The following TRHDE variants were observed in gnomAD, a reference collection of about 807,000 sequenced individuals.
TRHDE encodes thyrotropin-releasing hormone-degrading ectoenzyme.
In TRHDE, 72 loss-of-function variants were observed where a neutral mutation model predicts 125.7. The ratio of observed to expected loss-of-function variants is 0.57; its 90% confidence interval spans 0.47 to 0.70. TRHDE has a LOEUF of 0.70. TRHDE is among the 30% of genes least tolerant of loss of function. The pLI is 0.00. For synonymous variants in TRHDE, 509 were observed against 509.1 expected (o/e 1.00, Z 0.00); for missense variants, 1,110 against 1,327.1 (o/e 0.84, Z 2.54).
chr12:72,350,470 G>C (rs1037611750), intron 2 of TRHDE, among the ~76,000 whole-genome samples: 54 of 152,104 alleles, frequency 3.6e-4, no homozygotes, highest in African/African-American at 1.2e-3. Flanking sequence ...AAGAAACTGA[G>C]ACTCAGGTAG....
rs141852279 is a variant in TRHDE at position 72,090,386 on chromosome 12, T to G, written n.174+2947T>G. On this transcript the variant is annotated intron_variant and non_coding_transcript_variant, in intron 1 of 4. Transcript: ENST00000548156. Reference sequence around the variant, plus strand: ...ATTCACCACTGAGGTTTTAAAGCTCTTGGGGGAGCATTTGAATGAGTATAG... The same window carrying G: ...ATTCACCACTGAGGTTTTAAAGCTCGTGGGGGAGCATTTGAATGAGTATAG... Among the ~76,000 whole-genome samples the G allele has an allele frequency of 3.9e-5, 6 of 152,310 alleles. No individual in the cohort carries two copies. In the East Asian group the frequency reaches 1.2e-3, roughly 29 times the overall value.
At chr12:72,170,061 C>A (rs1043564185) in intron 2 of TRHDE, among the ~76,000 whole-genome samples, 1 of 152,160 alleles carries the variant, frequency 6.6e-6, no homozygotes, top group African/African-American at 2.4e-5. Context: ...GGGCTGGAAG[C>A]AGGAGCTAGT....
chr12:72,486,156 C>T (rs1448271775), intron 5 of TRHDE, among the ~76,000 whole-genome samples: 2 of 152,206 alleles, frequency 1.3e-5, no homozygotes, highest in South Asian at 2.1e-4. Flanking sequence ...ATCAAAACTA[C>T]AGCCACACCC....
In TRHDE at chr12:72,440,093, A is replaced by G. The variant is rs78273819; in HGVS notation, c.1316-29665A>G. On this transcript the variant is annotated intron_variant, in intron 3 of 18. Transcript: ENST00000261180. ...TTTATGTATGTTGAATCATACTTGC[A>G]TCACTGGGATGAATCCCACTCGATA... Among the ~76,000 whole-genome samples the G allele has an allele frequency of 7.3e-3, 1,112 of 152,076 alleles. 10 individuals are homozygous for G. Among genetic ancestry groups the G allele is most frequent in the African/African-American group, 0.026 (1,068 of 41,520 alleles).
rs559664052 is a variant in TRHDE, at chr12:72,497,453, T to C, written c.1585-2045T>C. Among the ~76,000 whole-genome samples the C allele has an allele frequency of 5.9e-5, 9 of 152,316 alleles. No individual in the cohort carries two copies. In the South Asian group the frequency reaches 1.4e-3, roughly 25 times the overall value. ...TTAAAATTAAGGTTTAAATAAAGCATCATTTTAAGTTCACTTTACCTGGTT... is the reference window on the plus strand; with the variant it reads ...TTAAAATTAAGGTTTAAATAAAGCACCATTTTAAGTTCACTTTACCTGGTT... On this transcript the variant is annotated intron_variant, in intron 5 of 18. Coordinates refer to ENST00000261180, the MANE Select transcript of TRHDE (RefSeq NM_013381.3).
chr12:72,515,769 T>A (rs946056941), intron 6 of TRHDE, among the ~76,000 whole-genome samples: 4 of 152,026 alleles, frequency 2.6e-5, no homozygotes, highest in African/African-American at 9.7e-5. Flanking sequence ...GTTTTTATGG[T>A]TTTAGGTCTA....
intron 3 of TRHDE, among the ~76,000 whole-genome samples, chr12:72,458,754 T>G (rs553893529): frequency 6.6e-6 from 1 of 152,284 alleles, no homozygotes; most frequent in East Asian, 1.9e-4. Flanking sequence ...TTGCCTATGC[T>G]ACCTCCTTAA....
At chr12:72,459,605 A>C (rs920123559) in intron 3 of TRHDE, among the ~76,000 whole-genome samples, 2 of 152,140 alleles carry the variant, frequency 1.3e-5, no homozygotes, top group Non-Finnish European at 2.9e-5. Context: ...TAGCTACAGT[A>C]GTAGCTAGAG....
intron 2 of TRHDE, among the ~76,000 whole-genome samples, chr12:72,248,056 C>CATATGTATGCATGT (rs1565672195): frequency 6.6e-6 from 1 of 152,034 alleles, no homozygotes; most frequent in African/African-American, 2.4e-5. Context: ...TGTATGCATG[C>CATATGTATGCATGT]ATGTGTGTAT....
chr12:72,536,199 T>C (rs1365035393), intron 6 of TRHDE, among the ~76,000 whole-genome samples: 3 of 152,170 alleles, frequency 2.0e-5, no homozygotes, highest in African/African-American at 7.2e-5. Flanking sequence ...ACTTGTTAAC[T>C]AGAGTATTCT....
At chr12:72,629,356 C>A (rs1873384786) in intron 15 of TRHDE, among the ~76,000 whole-genome samples, 1 of 151,454 alleles carries the variant, frequency 6.6e-6, no homozygotes, top group Non-Finnish European at 1.5e-5. Flanking sequence ...TAATTTTTTT[C>A]TTTGCAGTAT....
In TRHDE at chr12:72,669,450, A is replaced by G. The variant is rs1025819527; in HGVS notation, c.*6255A>G. The G allele has an allele frequency of 1.3e-5, 2 of 151,852 alleles. No individual in the cohort carries two copies. The highest frequency in any genetic ancestry group is 4.8e-5 in the African/African-American group (2 of 41,402). The allele number at this position is 151,852 out of a possible 1,614,324, so 9.4% of individuals were successfully genotyped here. ...ATCACACACATTTTTCTTATGTCAT[A>G]TAAGTAAAGGAAAGAGTGAAACGTT... is the stretch of plus-strand genomic sequence containing the variant. On this transcript the variant is annotated 3_prime_UTR_variant, in exon 19 of 19. Transcript: ENST00000261180.
chr12:72,265,180 T>C (rs1879037953), intron 2 of TRHDE, among the ~76,000 whole-genome samples: 1 of 151,804 alleles, frequency 6.6e-6, no homozygotes, highest in Non-Finnish European at 1.5e-5. Context: ...TACTAACATA[T>C]TTAGATTTTA....
At chr12:72,362,912 C>G (rs1202391978) in intron 2 of TRHDE, among the ~76,000 whole-genome samples, 3 of 151,946 alleles carry the variant, frequency 2.0e-5, no homozygotes, top group Non-Finnish European at 4.4e-5. Context: ...CTGTTCTGTT[C>G]CATTGATCTA....
At chr12:72,629,450 C>T (rs1873387764) in intron 15 of TRHDE, among the ~76,000 whole-genome samples, 1 of 151,730 alleles carries the variant, frequency 6.6e-6, no homozygotes, top group South Asian at 2.1e-4. Context: ...CTTTCAGACA[C>T]TTCTGTGTCT....
At chr12:72,276,885 G>A (rs931078632) in intron 1 of TRHDE, among the ~76,000 whole-genome samples, 4 of 152,154 alleles carry the variant, frequency 2.6e-5, no homozygotes, top group Admixed American at 1.3e-4. Context: ...TGTAGTCTCC[G>A]ACAAAAGAGT....
At chr12:72,543,036 T>C (rs1844641) in intron 7 of TRHDE, among the ~76,000 whole-genome samples, 2 of 151,364 alleles carry the variant, frequency 1.3e-5, no homozygotes, top group Admixed American at 6.6e-5. Context: ...GTAGCTGTGA[T>C]TGATGAATTA....
intron 6 of TRHDE, among the ~76,000 whole-genome samples, chr12:72,524,850 G>A (rs1868305908): frequency 6.6e-6 from 1 of 152,148 alleles, no homozygotes; most frequent in African/African-American, 2.4e-5. Flanking sequence ...GTCTGAAAGA[G>A]GAAGCAGCTT....
intron 2 of TRHDE, among the ~76,000 whole-genome samples, chr12:72,148,101 A>C (rs934106718): frequency 1.3e-5 from 2 of 152,254 alleles, no homozygotes; most frequent in African/African-American, 4.8e-5. Flanking sequence ...TTTGTATTTT[A>C]GATGTGACAA....
Sources: allele counts gnomAD v4.1 joint callset (sites outside exome capture counted in the v4.1 genomes callset), GRCh38; gene constraint gnomAD v4.1.1; transcripts MANE v1.5; gene names NCBI Gene and HGNC (gene_info 2026-07-23, HGNC 2026-07-21).